The following SNX2 variants were observed in gnomAD, a reference collection of about 807,000 sequenced individuals.
SNX2 encodes the protein sorting nexin-2.
A neutral mutation model predicts 69.9 loss-of-function variants in SNX2; 25 were observed. The ratio of observed to expected loss-of-function variants is 0.36; its 90% CI spans 0.26 to 0.50. The LOEUF (loss-of-function observed/expected upper bound fraction) is 0.50. Ranked by LOEUF, SNX2 falls within the 20% of genes least tolerant of loss-of-function variation. The probability of loss-of-function intolerance (pLI) is 0.97; values close to 1 mark genes in which losing one functional copy is unlikely to be tolerated. For missense variants in SNX2, 551 were observed against 613.3 expected, an observed-to-expected ratio of 0.90 and a Z score of 1.07; for synonymous variants, 229 against 200.4, an observed-to-expected ratio of 1.14 and a Z score of -1.20.
chr5:122,801,284 A>G (rs1753502818), intron 3 of SNX2, among the ~76,000 whole-genome samples: 2 of 152,122 alleles, frequency 1.3e-5, no homozygotes, highest in South Asian at 4.1e-4. Context: ...AAAGACGAAA[A>G]CATTTTTTCT....
At position 122,801,870 on chromosome 5, in the gene SNX2, T is replaced by C. The variant is rs1216337574; in HGVS notation, c.392T>C (p.Ile131Thr). 1.3e-6 allele frequency: 2 copies of C among 1,573,448 alleles called. No homozygotes were observed. The highest frequency in any genetic ancestry group is 1.7e-5 in the Admixed American group (1 of 57,708). ...PVIFDRSREE[I>T]EEEANGDIFD... ...CAAAAAATAATTTATACTTTCTAGA[T>C]TGAAGAAGAAGCAAATGGAGACATT... Residue 131 changes from isoleucine to threonine, a missense_variant and splice_region_variant, in exon 4 of 15, where the codon ATT becomes ACT. Transcript: ENST00000379516.
chr5:122,814,197 C>T (rs931736247), intron 7 of SNX2, among the ~76,000 whole-genome samples: 2 of 152,202 alleles, frequency 1.3e-5, no homozygotes, highest in African/African-American at 4.8e-5. Flanking sequence ...AAACTGCCTT[C>T]AAGTAGTACT....
chr5:122,799,910 C>G, intron 3 of SNX2, 55 bp downstream of exon 3: 2 of 1,338,062 alleles, frequency 1.5e-6, no homozygotes, highest in Admixed American at 3.9e-5. Context: ...TTTTCCCCAC[C>G]CAACATCACT....
At chr5:122,797,350 CAT>C (rs1753403557) in intron 2 of SNX2, among the ~76,000 whole-genome samples, 1 of 152,194 alleles carries the variant, frequency 6.6e-6, no homozygotes, top group Non-Finnish European at 1.5e-5. Flanking sequence ...GAACAATAAA[CAT>C]AGTCATCTGT....
chr5:122,792,715 A>G (rs1378939882), intron 1 of SNX2, among the ~76,000 whole-genome samples: 1 of 152,224 alleles, frequency 6.6e-6, no homozygotes, highest in Admixed American at 6.5e-5. Flanking sequence ...TAAGCCAAAG[A>G]TTGGGAGACT....
At chr5:122,804,200 C>T (rs912208079) in intron 6 of SNX2, among the ~76,000 whole-genome samples, 4 of 151,992 alleles carry the variant, frequency 2.6e-5, no homozygotes. Context: ...ACTAGATTAC[C>T]ATTTTACTGA....
At chr5:122,823,885 C>A (rs185697740) in intron 11 of SNX2, among the ~76,000 whole-genome samples, 17 of 151,584 alleles carry the variant, frequency 1.1e-4, no homozygotes. Flanking sequence ...TGAATGCAGC[C>A]CAACTCAAAT....
At chr5:122,806,142 G>GCGCACGCGCGCACACA in intron 6 of SNX2, among the ~76,000 whole-genome samples, 6 of 130,652 alleles carry the variant, frequency 4.6e-5, no homozygotes, top group African/African-American at 1.7e-4. Flanking sequence ...ACACGCGCGC[G>GCGCACGCGCGCACACA]CACACACACA....
intron 7 of SNX2, among the ~76,000 whole-genome samples, chr5:122,813,501 T>A (rs1247393948): frequency 6.6e-6 from 1 of 152,096 alleles, no homozygotes; most frequent in Non-Finnish European, 1.5e-5. Flanking sequence ...CTATAGTCAA[T>A]TGAGTTTTGT....
At chr5:122,801,464 G>A (rs992706265) in intron 3 of SNX2, among the ~76,000 whole-genome samples, 2 of 152,028 alleles carry the variant, frequency 1.3e-5, no homozygotes, top group African/African-American at 4.8e-5. Context: ...AATCACCTGG[G>A]TGTGGTGGCA....
chr5:122,813,669 G>A (rs969335469), intron 7 of SNX2, among the ~76,000 whole-genome samples: 6 of 151,630 alleles, frequency 4.0e-5, no homozygotes, highest in Admixed American at 6.6e-5. Flanking sequence ...GGAATAGTAC[G>A]TGAGACTAGT....
rs559648552 is a variant in SNX2 at position 122,833,679 on chromosome 5, A to G, written c.*4031A>G. ...CTTGTTTTACATTTATAAATCTCAA[A>G]ATGCCTTTATTTCATTGTTGGTACT... On this transcript the variant is annotated 3_prime_UTR_variant, in exon 15 of 15. Transcript: ENST00000379516. 1 of 152,264 alleles carries G rather than the reference A, an allele frequency of 6.6e-6. No individual in the cohort carries two copies. Among genetic ancestry groups the G allele is most frequent in the South Asian group, 2.1e-4 (1 of 4,826 alleles). 9.4% of individuals were successfully genotyped at this position (152,264 alleles called of 1,614,324 possible).
intron 14 of SNX2, among the ~76,000 whole-genome samples, chr5:122,828,658 A>G (rs1033708514): frequency 1.3e-5 from 2 of 152,128 alleles, no homozygotes; most frequent in Admixed American, 6.6e-5. Flanking sequence ...ATATGGTAAC[A>G]CTGTTCTGTG....
chr5:122,810,330 C>T (rs1177533140), intron 7 of SNX2, among the ~76,000 whole-genome samples: 1 of 146,676 alleles, frequency 6.8e-6, no homozygotes, highest in Non-Finnish European at 1.5e-5. Flanking sequence ...ATCTACTGAC[C>T]TTCCCTCCAC....
Position 122,799,737 on chromosome 5 carries a change from TC to T in SNX2, c.274del (p.Leu92TyrfsTer31). On this transcript the variant is annotated frameshift_variant, in exon 3 of 15. Coordinates refer to ENST00000379516, the MANE Select transcript of SNX2 (RefSeq NM_003100.4). LOFTEE classifies it high-confidence loss of function. ...TTGGACAGCCCTGAAAGGGAACCTA[TC>T]CTATCCTCGGAACCTTCTCCTGCAG... is the stretch of plus-strand genomic sequence containing the variant. ...VSLDSPEREP[I>X]LSSEPSPAVT... 6.2e-7 allele frequency: 1 copy of T among 1,613,872 alleles called. No homozygotes were observed. The highest frequency in any genetic ancestry group is 8.5e-7 in the Non-Finnish European group (1 of 1,179,812).
At chr5:122,780,173 G>GTCTATCT (rs1581621545) in intron 1 of SNX2, among the ~76,000 whole-genome samples, 1 of 152,168 alleles carries the variant, frequency 6.6e-6, no homozygotes, top group African/African-American at 2.4e-5. Flanking sequence ...AGCTTTGGGA[G>GTCTATCT]TCTATCTTAA....
intron 1 of SNX2, among the ~76,000 whole-genome samples, chr5:122,789,430 C>G (rs2150002881): frequency 1.0e-5 from 1 of 96,404 alleles, no homozygotes; most frequent in East Asian, 4.5e-4. Context: ...CCTTCCCCAC[C>G]ACACACACAC....
intron 2 of SNX2, among the ~76,000 whole-genome samples, chr5:122,798,555 T>C (rs1298791611): frequency 6.6e-6 from 1 of 152,188 alleles, no homozygotes; most frequent in East Asian, 1.9e-4. Context: ...TACCACCATC[T>C]TGAACCTCTA....
intron 1 of SNX2, among the ~76,000 whole-genome samples, chr5:122,776,287 G>A (rs1475109437): frequency 1.3e-5 from 2 of 152,150 alleles, no homozygotes; most frequent in Admixed American, 1.3e-4. Flanking sequence ...CCCGGAAACA[G>A]TTTTCAGCAC....
Sources: allele counts gnomAD v4.1 joint callset (sites outside exome capture counted in the v4.1 genomes callset), GRCh38; gene constraint gnomAD v4.1.1; transcripts MANE v1.5; gene names NCBI Gene and HGNC (gene_info 2026-07-23, HGNC 2026-07-21).